Variants in ADAM10 observed in about 807,000 individuals in gnomAD.
ADAM10 encodes the protein ADAM metallopeptidase domain 10, also known as disintegrin and metalloproteinase domain-containing protein 10.
A neutral mutation model predicts 90.1 loss-of-function variants in ADAM10; 17 were observed. The observed-to-expected ratio is 0.19, with a 90% CI of 0.13 to 0.28. ADAM10 has a LOEUF of 0.28. Ranked by LOEUF, ADAM10 falls within the 10% of genes least tolerant of loss-of-function variation. ADAM10 has a pLI of 1.00. For missense variants in ADAM10, 610 were observed against 914.3 expected, an observed-to-expected ratio of 0.67 and a Z score of 4.29; for synonymous variants, 310 against 298.6, an observed-to-expected ratio of 1.04 and a Z score of -0.40.
Position 58,641,508 on chromosome 15 carries a change from T to A in ADAM10, c.829-548A>T, listed in dbSNP as rs112811054. The stretch of plus-strand genomic sequence containing the variant: ...CCAAGCCAAACTAACTGCAAATTTA[T>A]TTTTTTTTCCTGAATGTGGGCAAGA... On this transcript the variant is annotated intron_variant, in intron 7 of 15. Transcript: ENST00000260408. Among the ~76,000 whole-genome samples, 798 of 151,718 alleles carry A rather than the reference T, an allele frequency of 5.3e-3. 10 individuals are homozygous for A. The highest frequency in any genetic ancestry group is 0.018 in the African/African-American group (763 of 41,380).
At chr15:58,644,930 A>T (rs1037032907) in intron 6 of ADAM10, among the ~76,000 whole-genome samples, 40 of 152,346 alleles carry the variant, frequency 2.6e-4, no homozygotes, top group African/African-American at 9.1e-4. Context: ...CTACAAGGAG[A>T]TAAACGATGA....
At chr15:58,615,276 GAAA>G (rs35628107) in intron 11 of ADAM10, among the ~76,000 whole-genome samples, 4 of 84,798 alleles carry the variant, frequency 4.7e-5, no homozygotes, top group Non-Finnish European at 4.7e-5. Flanking sequence ...TCCGTCTGAA[GAAA>G]AAAAAAAAAA....
chr15:58,656,914 G>T (rs140075084), intron 5 of ADAM10, among the ~76,000 whole-genome samples: 3 of 152,094 alleles, frequency 2.0e-5, no homozygotes, highest in African/African-American at 7.2e-5. Flanking sequence ...TTGTTTCTCT[G>T]GGAAAGTTTT....
intron 1 of ADAM10, among the ~76,000 whole-genome samples, chr15:58,734,781 G>A (rs1261986526): frequency 1.3e-5 from 2 of 151,264 alleles, no homozygotes; most frequent in African/African-American, 4.9e-5. Context: ...AAACTAAACT[G>A]ACGTCTACCT....
chr15:58,718,796 T>C (rs1898749454), intron 1 of ADAM10, among the ~76,000 whole-genome samples: 1 of 152,214 alleles, frequency 6.6e-6, no homozygotes, highest in Non-Finnish European at 1.5e-5. Context: ...AGGGATCCTC[T>C]GTGCAGCTCT....
intron 1 of ADAM10, chr15:58,748,990 G>T: frequency 2.5e-6 from 1 of 399,262 alleles, no homozygotes. Flanking sequence ...TCTGCGCGGC[G>T]GGTCTCGGCG....
intron 2 of ADAM10, among the ~76,000 whole-genome samples, chr15:58,687,061 A>C (rs1897622044): frequency 6.6e-6 from 1 of 152,242 alleles, no homozygotes; most frequent in African/African-American, 2.4e-5. Context: ...ACCATAAAAA[A>C]TTTGTTCTTT....
chr15:58,599,135 C>A (rs1895039267), intron 15 of ADAM10, among the ~76,000 whole-genome samples: 3 of 110,204 alleles, frequency 2.7e-5, no homozygotes, highest in African/African-American at 1.1e-4. Context: ...CCAGCCTGGG[C>A]AACACAGTGA....
intron 1 of ADAM10, among the ~76,000 whole-genome samples, chr15:58,726,310 A>G (rs559615074): frequency 6.6e-6 from 1 of 152,282 alleles, no homozygotes; most frequent in Admixed American, 6.5e-5. Flanking sequence ...AATCATTTTT[A>G]AAAGTTTATA....
At chr15:58,741,928 G>A (rs537726896) in intron 1 of ADAM10, among the ~76,000 whole-genome samples, 2 of 152,132 alleles carry the variant, frequency 1.3e-5, no homozygotes, top group African/African-American at 2.4e-5. Context: ...ACAGACTATC[G>A]ATTCCAGGCA....
In ADAM10 at chr15:58,593,210, C is replaced by T. The variant is rs1384177119; in HGVS notation, c.*4337G>A. ...TTTTTTTTTTTTTGAGACAGAGTCTCGCTCTGTCACCCAGGCTGGAGTGCA... is the reference window on the plus strand; with the variant it reads ...TTTTTTTTTTTTTGAGACAGAGTCTTGCTCTGTCACCCAGGCTGGAGTGCA... On this transcript the variant is annotated 3_prime_UTR_variant, in exon 16 of 16. Coordinates refer to ENST00000260408, the MANE Select transcript of ADAM10 (RefSeq NM_001110.4). The T allele has an allele frequency of 7.4e-5, 8 of 107,432 alleles. No homozygotes were observed. The highest frequency in any genetic ancestry group is 3.8e-4 in the Admixed American group (3 of 7,892). 6.7% of individuals were successfully genotyped at this position (107,432 alleles called of 1,614,324 possible).
At chr15:58,682,642 T>G (rs1436057709) in intron 2 of ADAM10, among the ~76,000 whole-genome samples, 2 of 152,152 alleles carry the variant, frequency 1.3e-5, no homozygotes. Flanking sequence ...CCTGACCCAA[T>G]TACTATTATC....
At chr15:58,598,874 T>C (rs1895031366) in intron 15 of ADAM10, among the ~76,000 whole-genome samples, 1 of 152,194 alleles carries the variant, frequency 6.6e-6, no homozygotes, top group Admixed American at 6.5e-5. Context: ...AAAGAGTTGT[T>C]TTCAGGAATG....
intron 4 of ADAM10, among the ~76,000 whole-genome samples, chr15:58,678,421 G>A (rs2140749411): frequency 6.6e-6 from 1 of 152,218 alleles, no homozygotes; most frequent in Non-Finnish European, 1.5e-5. Flanking sequence ...AAAATTGAGA[G>A]ACTAGTCTAA....
intron 4 of ADAM10, among the ~76,000 whole-genome samples, chr15:58,672,070 T>TCATG (rs10640015): frequency 0.55 from 82,631 of 151,442 alleles, 25,819 homozygotes; most frequent in African/African-American, 0.85. Context: ...TAAAACAAAA[T>TCATG]AAAAGATAGT....
intron 2 of ADAM10, among the ~76,000 whole-genome samples, chr15:58,699,560 A>G (rs80092591): frequency 0.059 from 1,180 of 19,834 alleles, 10 homozygotes; most frequent in Non-Finnish European, 0.11. Context: ...GGAGTTTGAG[A>G]CCAGGAGTTT....
chr15:58,602,624 GCA>G (rs201099184), intron 14 of ADAM10, among the ~76,000 whole-genome samples: 167 of 152,018 alleles, frequency 1.1e-3, no homozygotes, highest in African/African-American at 3.8e-3. Flanking sequence ...ACATATATAT[GCA>G]CACACACACA....
chr15:58,701,853 C>T lies in ADAM10; in HGVS notation c.206+15724G>A, dbSNP rs545073046. ...CGGAGCAGTGACTCACGCCTATAAT[C>T]CCAGCACTTTGGGAGGACGAGGTGG... On this transcript the variant is annotated intron_variant, in intron 2 of 15. Coordinates refer to ENST00000260408, the MANE Select transcript of ADAM10 (RefSeq NM_001110.4). Among the ~76,000 whole-genome samples the T allele has an allele frequency of 1.1e-3, 169 of 152,156 alleles. 1 individual carries two copies. Among genetic ancestry groups the T allele is most frequent in the Non-Finnish European group, 1.6e-3 (109 of 67,984 alleles).
chr15:58,735,472 T>A (rs394845), intron 1 of ADAM10, among the ~76,000 whole-genome samples: 1 of 152,048 alleles, frequency 6.6e-6, no homozygotes, highest in African/African-American at 2.4e-5. Context: ...TCCAAATCCA[T>A]TGATGCTCAA....
Sources: allele counts gnomAD v4.1 joint callset (sites outside exome capture counted in the v4.1 genomes callset), GRCh38; gene constraint gnomAD v4.1.1; transcripts MANE v1.5; gene names NCBI Gene and HGNC (gene_info 2026-07-23, HGNC 2026-07-21).